Variants in ATRN observed in about 807,000 individuals in gnomAD.
ATRN encodes the protein attractin-2.
In ATRN, 54 loss-of-function variants were observed where a neutral mutation model predicts 178.7. That is an observed-to-expected ratio of 0.30 (90% CI 0.24 to 0.38). ATRN has a LOEUF of 0.38. ATRN is among the 10% of genes least tolerant of loss of function. ATRN has a pLI of 1.00. For missense variants in ATRN, 1,443 were observed against 1,815.1 expected (o/e 0.79, Z 3.73); for synonymous variants, 636 against 663.0 (o/e 0.96, Z 0.63).
intron 3 of ATRN, 120 bp downstream of exon 3, chr20:3,540,455 A>G (rs1488161289): frequency 4.6e-6 from 3 of 656,442 alleles, no homozygotes; most frequent in African/African-American, 1.8e-5. Flanking sequence ...TTTAATGGAA[A>G]GAATACTAGT....
intron 14 of ATRN, among the ~76,000 whole-genome samples, 163 bp from the exon 15 acceptor site, chr20:3,578,419 G>A (rs907907129): frequency 4.5e-4 from 68 of 152,252 alleles, no homozygotes; most frequent in Middle Eastern, 3.4e-3. Flanking sequence ...CTTGTATTCT[G>A]CATTTGGTCC....
At position 3,647,833 on chromosome 20, in the gene ATRN, G is replaced by C. The variant is rs1157412861; in HGVS notation, c.*986G>C. The C allele has an allele frequency of 6.6e-6, 1 of 152,206 alleles. No homozygotes were observed. Among genetic ancestry groups the C allele is most frequent in the Non-Finnish European group, 1.5e-5 (1 of 68,032 alleles). The allele number at this position is 152,206 out of a possible 1,614,324, so 9.4% of individuals were successfully genotyped here. ...ATCTAGCAGCAGGGATGAGAGGAAAGCAGAAATGAATGAACTGTGAAAGCT... is the reference window on the plus strand; with the variant it reads ...ATCTAGCAGCAGGGATGAGAGGAAACCAGAAATGAATGAACTGTGAAAGCT... On this transcript the variant is annotated 3_prime_UTR_variant, in exon 29 of 29. Coordinates refer to ENST00000262919, the MANE Select transcript of ATRN (RefSeq NM_139321.3).
chr20:3,491,650 C>T (rs2084795625), intron 1 of ATRN, among the ~76,000 whole-genome samples: 1 of 152,164 alleles, frequency 6.6e-6, no homozygotes, highest in South Asian at 2.1e-4. Context: ...TTATTCCAAG[C>T]CTGTTTGACC....
At chr20:3,494,150 G>C (rs2084845890) in intron 1 of ATRN, among the ~76,000 whole-genome samples, 1 of 152,172 alleles carries the variant, frequency 6.6e-6, no homozygotes, top group Non-Finnish European at 1.5e-5. Context: ...GATCTGAAAG[G>C]TTGGTTAGGA....
In ATRN at chr20:3,549,272, A is replaced by C; in HGVS notation, c.1046A>C (p.Asn349Thr). 4 of 1,610,420 alleles carry C rather than the reference A, an allele frequency of 2.5e-6. No homozygotes were observed. The highest frequency in any genetic ancestry group is 3.4e-6 in the Non-Finnish European group (4 of 1,178,716). The change falls in exon 6 of 29, where the codon AAT becomes ACT. Residue 349 changes from asparagine (N) to threonine (T), a missense_variant. Physicochemically the swap from Asn to Thr is moderately conservative, Grantham distance 65 (BLOSUM62 0). Coordinates refer to ENST00000262919, the MANE Select transcript of ATRN (RefSeq NM_139321.3). ...AGAGCATCTCATAAAGCTGTGGTCAATGGAAACATTATGTGGGTTGTTGGA... is the reference window on the plus strand; with the variant it reads ...AGAGCATCTCATAAAGCTGTGGTCACTGGAAACATTATGTGGGTTGTTGGA... ...LPRASHKAVV[N>T]GNIMWVVGGY...
chr20:3,528,894 C>T (rs553719626), intron 1 of ATRN, among the ~76,000 whole-genome samples: 2 of 152,036 alleles, frequency 1.3e-5, no homozygotes, highest in Non-Finnish European at 2.9e-5. Context: ...CTCATGGCAA[C>T]CTCTGCTTCC....
At position 3,491,958 on chromosome 20, in the gene ATRN, T is replaced by C. The variant is rs187596324; in HGVS notation, c.410+20441T>C. On this transcript the variant is annotated intron_variant, in intron 1 of 28. Coordinates refer to ENST00000262919, the MANE Select transcript of ATRN (RefSeq NM_139321.3). ...AAATATCAGGATCCTTAAACTTCTT[T>C]TCTTTATCTTGCCCATTGCCTTTTC... is the stretch of plus-strand genomic sequence containing the variant. 2.1e-3 allele frequency among the ~76,000 whole-genome samples: 316 copies of C among 152,294 alleles called. 1 individual carries two copies. The highest frequency in any genetic ancestry group is 0.01 in the Middle Eastern group (3 of 294).
intron 24 of ATRN, among the ~76,000 whole-genome samples, chr20:3,623,284 A>G (rs1230290687): frequency 6.6e-6 from 1 of 152,240 alleles, no homozygotes; most frequent in Non-Finnish European, 1.5e-5. Flanking sequence ...AAGGAAAAGA[A>G]AAGAAAGTGG....
chr20:3,530,916 T>A (rs1403458259), intron 1 of ATRN, among the ~76,000 whole-genome samples: 2 of 152,192 alleles, frequency 1.3e-5, no homozygotes, highest in Non-Finnish European at 2.9e-5. Flanking sequence ...TTGTTTCCAC[T>A]GCAGAATTAC....
At position 3,471,134 on chromosome 20, in the gene ATRN, G is replaced by A. The variant is rs1177368703; in HGVS notation, c.27G>A (p.Glu9=). The A allele has an allele frequency of 3.3e-6, 5 of 1,510,660 alleles. No individual in the cohort carries two copies. In the Admixed American group the frequency reaches 8.1e-5, roughly 25 times the overall value. 93.6% of individuals were successfully genotyped at this position (1,510,660 alleles called of 1,614,324 possible). A position where few individuals can be genotyped will look rare whatever the true frequency, so the allele number is the denominator to read the frequency against. Residue 9 remains glutamate, a synonymous_variant, in exon 1 of 29, where the codon GAG becomes GAA. Transcript: ENST00000262919. The part of the protein sequence containing the change: MVAAAAAT[E]ARLRRRTAAT... ...TGGTGGCTGCAGCGGCGGCAACTGA[G>A]GCAAGGCTGAGGAGGAGGACGGCGG...
At chr20:3,572,669 G>T in intron 11 of ATRN, 62 bp from the exon 12 acceptor site, 5 of 1,273,614 alleles carry the variant, frequency 3.9e-6, no homozygotes, top group African/African-American at 1.6e-5. Context: ...AAAAAAAAAA[G>T]TATAGCATCC....
chr20:3,559,334 A>T (rs1373102016), intron 6 of ATRN, 59 bp from the exon 7 acceptor site: 2 of 1,280,846 alleles, frequency 1.6e-6, no homozygotes, highest in East Asian at 4.6e-5. Flanking sequence ...CACAAATAAA[A>T]TAGTATGAGA....
intron 27 of ATRN, 60 bp from the exon 28 acceptor site, chr20:3,644,094 G>A (rs540478413): frequency 5.5e-6 from 7 of 1,267,058 alleles, no homozygotes; most frequent in Non-Finnish European, 8.1e-6. Flanking sequence ...TGACCGTTAA[G>A]TTGTCCGTAT....
intron 1 of ATRN, among the ~76,000 whole-genome samples, chr20:3,526,432 A>G (rs1600075240): frequency 2.0e-5 from 3 of 152,306 alleles, no homozygotes; most frequent in African/African-American, 7.2e-5. Context: ...TGCTCAAGGA[A>G]ATAAGAGAGG....
intron 1 of ATRN, among the ~76,000 whole-genome samples, chr20:3,484,885 A>G (rs985220782): frequency 6.6e-6 from 1 of 150,486 alleles, no homozygotes; most frequent in Non-Finnish European, 1.5e-5. Context: ...ATTGATTACT[A>G]TAGTACCTAG....
intron 1 of ATRN, among the ~76,000 whole-genome samples, chr20:3,509,960 A>G (rs2085102443): frequency 6.6e-6 from 1 of 152,176 alleles, no homozygotes. Context: ...AAGCACACAT[A>G]CACAGATATG....
intron 17 of ATRN, 98 bp from the exon 18 acceptor site, chr20:3,584,549 T>G: frequency 2.3e-5 from 19 of 823,718 alleles, no homozygotes; most frequent in Non-Finnish European, 3.5e-5. Context: ...AATAATATTT[T>G]TGACTCAAGC....
Position 3,650,458 on chromosome 20 carries a change from T to C in ATRN, c.*3611T>C, listed in dbSNP as rs1481326334. ...TTCCTTGTGGTGGTTTCTGTGAGAATTGGCCATCCTGAGGACACAGCCAGG... is the reference window on the plus strand; with the variant it reads ...TTCCTTGTGGTGGTTTCTGTGAGAACTGGCCATCCTGAGGACACAGCCAGG... On this transcript the variant is annotated 3_prime_UTR_variant, in exon 29 of 29. Transcript: ENST00000262919. 6.6e-6 allele frequency: 1 copy of C among 152,564 alleles called. No homozygotes were observed. Among genetic ancestry groups the C allele is most frequent in the Non-Finnish European group, 1.5e-5 (1 of 68,046 alleles). The allele number at this position is 152,564 out of a possible 1,614,324, so 9.5% of individuals were successfully genotyped here. A position where few individuals can be genotyped will look rare whatever the true frequency, so the allele number is the denominator to read the frequency against.
At chr20:3,636,362 G>A (rs1376542989) in intron 26 of ATRN, among the ~76,000 whole-genome samples, 1 of 152,170 alleles carries the variant, frequency 6.6e-6, no homozygotes, top group Non-Finnish European at 1.5e-5. Flanking sequence ...AATATATCAT[G>A]TCAATGGGGA....
Sources: gnomAD v4.1 joint callset for allele counts (sites outside exome capture counted in the v4.1 genomes callset) on GRCh38, gnomAD v4.1.1 for gene constraint, MANE v1.5 for transcripts, NCBI Gene and HGNC (gene_info 2026-07-23, HGNC 2026-07-21) for gene names.